MROH2B: variants seen among roughly 807,000 people sequenced by gnomAD.
The protein encoded by MROH2B is maestro heat like repeat family member 2B.
Under a neutral mutation model 208.6 loss-of-function variants are expected in MROH2B, and 177 were observed. The observed-to-expected ratio is 0.85, with a 90% confidence interval of 0.75 to 0.96. The LOEUF is 0.96. Ranked by LOEUF, MROH2B falls within the 40% of genes least tolerant of loss-of-function variation. The pLI is 0.00. For synonymous variants in MROH2B, 728 were observed against 659.0 expected (o/e 1.10, Z -1.60); for missense variants, 2,002 against 1,878.7 (o/e 1.07, Z -1.21).
At chr5:41,057,563 C>CTTTATTTTTTTTTTTTTT (rs1743498509) in intron 7 of MROH2B, among the ~76,000 whole-genome samples, 1 of 73,252 alleles carries the variant, frequency 1.4e-5, no homozygotes, top group Non-Finnish European at 2.4e-5. Context: ...AATATCCCTC[C>CTTTATTTTTTTTTTTTTT]TTTTTTTTTT....
chr5:41,032,999 G>A, intron 23 of MROH2B, 42 bp downstream of exon 23: 1 of 1,610,088 alleles, frequency 6.2e-7, no homozygotes, highest in Non-Finnish European at 8.5e-7. Context: ...TCTTGGTAAT[G>A]GAATACTCAG....
chr5:41,061,776 G>T, intron 5 of MROH2B, 52 bp from the exon 6 acceptor site: 1 of 1,541,710 alleles, frequency 6.5e-7, no homozygotes, highest in Non-Finnish European at 8.8e-7. Context: ...GGATGGGGCA[G>T]ACGATAAAAT....
chr5:41,037,276 G>A (rs749753489), intron 21 of MROH2B, among the ~76,000 whole-genome samples: 11 of 152,130 alleles, frequency 7.2e-5, no homozygotes, highest in Non-Finnish European at 1.3e-4. Flanking sequence ...TAGAGATGAA[G>A]TCTCACTATG....
chr5:41,060,610 T>C (rs1743606334), intron 6 of MROH2B, among the ~76,000 whole-genome samples: 1 of 152,228 alleles, frequency 6.6e-6, no homozygotes, highest in South Asian at 2.1e-4. Flanking sequence ...CTTCATGGGC[T>C]GCAAGGATCA....
chr5:41,030,892 T>C (rs1742546343), intron 24 of MROH2B, among the ~76,000 whole-genome samples: 1 of 152,134 alleles, frequency 6.6e-6, no homozygotes, highest in Non-Finnish European at 1.5e-5. Context: ...ATTTTATGTT[T>C]TATTTATTTT....
In MROH2B at chr5:41,042,083, G is replaced by C. The variant is rs752547756; in HGVS notation, c.1953+9C>G. ...ATCATAAGAGGAAATTGAGAGCAAGGGGTCCCACCTGTCTTTGATCCCCCA... is the reference window on the plus strand; with the variant it reads ...ATCATAAGAGGAAATTGAGAGCAAGCGGTCCCACCTGTCTTTGATCCCCCA... On this transcript the variant is annotated intron_variant, in intron 19 of 41. Coordinates refer to ENST00000399564, the MANE Select transcript of MROH2B (RefSeq NM_173489.5). 4.0e-6 allele frequency: 6 copies of C among 1,510,208 alleles called. No individual in the cohort carries two copies. In the African/African-American group the frequency reaches 6.9e-5, roughly 17 times the overall value. The allele number at this position is 1,510,208 out of a possible 1,614,324, so 93.6% of individuals were successfully genotyped here.
chr5:41,032,888 A>G, intron 23 of MROH2B, 67 bp from the exon 24 acceptor site: 4 of 1,554,330 alleles, frequency 2.6e-6, no homozygotes, highest in Non-Finnish European at 3.5e-6. Flanking sequence ...TGCAGCTGCA[A>G]CCTCATCAGA....
At chr5:41,058,625 T>A (rs1286854853) in intron 6 of MROH2B, among the ~76,000 whole-genome samples, 1 of 152,172 alleles carries the variant, frequency 6.6e-6, no homozygotes, top group Non-Finnish European at 1.5e-5. Flanking sequence ...GCCTGGCTAA[T>A]TTTTGTAATA....
chr5:41,007,569 T>C, intron 33 of MROH2B, 115 bp from the exon 34 acceptor site: 2 of 1,025,780 alleles, frequency 1.9e-6, no homozygotes, highest in South Asian at 3.0e-5. Flanking sequence ...CTAGGGGATG[T>C]TGTGTAAGGG....
intron 37 of MROH2B, among the ~76,000 whole-genome samples, chr5:41,003,431 T>TATG (rs1384057472): frequency 1.3e-5 from 2 of 151,934 alleles, no homozygotes; most frequent in Non-Finnish European, 2.9e-5. Flanking sequence ...ATAGTTAGCA[T>TATG]GCCAAAATCA....
At chr5:41,066,775 T>A (rs1459573618) in intron 3 of MROH2B, among the ~76,000 whole-genome samples, 2 of 152,208 alleles carry the variant, frequency 1.3e-5, no homozygotes, top group Admixed American at 6.5e-5. Context: ...AAGAAATAAG[T>A]CATATAGAAG....
intron 12 of MROH2B, among the ~76,000 whole-genome samples, chr5:41,052,051 T>C (rs1358388020): frequency 5.9e-5 from 9 of 152,286 alleles, no homozygotes. Context: ...TAAGACACCG[T>C]TGCAGCAAGA....
chr5:41,034,118 G>C, intron 21 of MROH2B: 1 of 961,686 alleles, frequency 1.0e-6, no homozygotes, highest in Non-Finnish European at 1.2e-6. Flanking sequence ...TAGAGACTTC[G>C]AGTCTTGTGT....
At chr5:41,022,201 G>A (rs1393914971) in intron 24 of MROH2B, among the ~76,000 whole-genome samples, 1 of 152,136 alleles carries the variant, frequency 6.6e-6, no homozygotes, top group Non-Finnish European at 1.5e-5. Context: ...GGATGGTGGG[G>A]GCAGGACAGT....
intron 17 of MROH2B, 67 bp from the exon 18 acceptor site, chr5:41,045,920 GTTATT>G (rs1419609258): frequency 7.7e-6 from 9 of 1,174,060 alleles, no homozygotes; most frequent in Non-Finnish European, 1.1e-5. Context: ...CATATTTTTG[GTTATT>G]TTATCTTTTA....
chr5:41,008,583 A>G lies in MROH2B; in HGVS notation c.3608+23T>C, dbSNP rs766830576. 63 of 1,611,002 alleles carry G rather than the reference A, an allele frequency of 3.9e-5. No homozygotes were observed. The South Asian group carries it at 6.9e-4, about 18-fold the overall frequency. On this transcript the variant is annotated intron_variant, in intron 33 of 41. Coordinates refer to ENST00000399564, the MANE Select transcript of MROH2B (RefSeq NM_173489.5). ...TCTGGGATTAGGACCACTGTGGAAG[A>G]TGCTTCCTGATTGGCCGTTTACCTG...
intron 3 of MROH2B, 135 bp downstream of exon 3, chr5:41,066,973 G>A (rs577417863): frequency 6.1e-5 from 40 of 650,704 alleles, no homozygotes; most frequent in South Asian, 4.9e-4. Flanking sequence ...GCATTATAAC[G>A]ATATCCAAGT....
In MROH2B at chr5:41,049,560, C is replaced by A. The variant is rs533553517; in HGVS notation, c.1345-124G>T. 246 of 1,190,398 alleles carry A rather than the reference C, an allele frequency of 2.1e-4. 1 individual carries two copies. Among genetic ancestry groups the A allele is most frequent in the Non-Finnish European group, 2.7e-4 (237 of 862,668 alleles). 73.7% of individuals were successfully genotyped at this position (1,190,398 alleles called of 1,614,324 possible). On this transcript the variant is annotated intron_variant, in intron 13 of 41. Transcript: ENST00000399564. ...CCTGTTATTATTTTGCTTTTTGGGCCAAGTCAAGATGAGATCATTAAAGGA... is the reference window on the plus strand; with the variant it reads ...CCTGTTATTATTTTGCTTTTTGGGCAAAGTCAAGATGAGATCATTAAAGGA...
intron 24 of MROH2B, among the ~76,000 whole-genome samples, chr5:41,026,543 A>T (rs569304803): frequency 6.6e-6 from 1 of 152,250 alleles, no homozygotes; most frequent in African/African-American, 2.4e-5. Flanking sequence ...AAGAGGACAC[A>T]AACAAATGGA....
Sources: gnomAD v4.1 joint callset for allele counts (sites outside exome capture counted in the v4.1 genomes callset) on GRCh38, gnomAD v4.1.1 for gene constraint, MANE v1.5 for transcripts, NCBI Gene and HGNC (gene_info 2026-07-23, HGNC 2026-07-21) for gene names.